The following AADACL3 variants were observed in gnomAD, a reference collection of about 807,000 sequenced individuals.
The protein encoded by AADACL3 is arylacetamide deacetylase-like 3.
In AADACL3, 13 loss-of-function variants were observed where a neutral mutation model predicts 13.6. The ratio of observed to expected loss-of-function variants is 0.95; its 90% CI spans 0.62 to 1.52. The LOEUF (loss-of-function observed/expected upper bound fraction) is 1.52. AADACL3 is among the 40% of genes most tolerant of loss of function. The pLI is 0.00. For missense variants in AADACL3, 519 were observed against 499.2 expected (o/e 1.04, Z -0.38); for synonymous variants, 195 against 197.0 (o/e 0.99, Z 0.08).
intron 3 of AADACL3, among the ~76,000 whole-genome samples, chr1:12,722,326 GAAAAAAA>G (rs564374343): frequency 2.7e-5 from 2 of 73,842 alleles, no homozygotes; most frequent in East Asian, 4.1e-4. Flanking sequence ...GATTCCGTCT[GAAAAAAA>G]AAAAAAAAAA....
rs761724053 is a variant in AADACL3, at chr1:12,725,579, A to T, written c.807A>T (p.Lys269Asn). ...FSSSWQEVIM[K>N]GAHLPAEVWE... ...CCTCCTGGCAAGAGGTCATCATGAAAGGTGCCCATTTGCCTGCTGAAGTCT... is the reference window on the plus strand; with the variant it reads ...CCTCCTGGCAAGAGGTCATCATGAATGGTGCCCATTTGCCTGCTGAAGTCT... Residue 269 changes from lysine to asparagine, a missense_variant, in exon 4 of 4, where the codon AAA (lysine) becomes AAT (asparagine). Transcript: ENST00000359318. 9.3e-6 allele frequency: 15 copies of T among 1,614,028 alleles called. No homozygotes were observed. In the African/African-American group the frequency reaches 1.5e-4, roughly 16 times the overall value.
rs373467986 is a variant in AADACL3, at chr1:12,725,184, C to T, written c.450-38C>T. On this transcript the variant is annotated intron_variant, in intron 3 of 3. Coordinates refer to ENST00000359318, the MANE Select transcript of AADACL3 (RefSeq NM_001103170.3). ...CTAGACGCTGATATTTTGGATCTGCCGGGGCGTTATCAACTGTGTTTCTTG... is the reference window on the plus strand; with the variant it reads ...CTAGACGCTGATATTTTGGATCTGCTGGGGCGTTATCAACTGTGTTTCTTG... The T allele has an allele frequency of 3.2e-5, 50 of 1,547,964 alleles. No individual in the cohort carries two copies. The African/African-American group carries it at 3.6e-4, about 11-fold the overall frequency.
At chr1:12,718,104 C>T (rs1648478310) in intron 1 of AADACL3, among the ~76,000 whole-genome samples, 1 of 152,132 alleles carries the variant, frequency 6.6e-6, no homozygotes, top group Non-Finnish European at 1.5e-5. Flanking sequence ...GCAGTTAGAT[C>T]TTATTACTCT....
rs752615689 is a variant in AADACL3, at chr1:12,726,843, G to T, written c.*847G>T. The T allele has an allele frequency of 1.1e-4, 16 of 152,242 alleles. No individual in the cohort carries two copies. The highest frequency in any genetic ancestry group is 1.4e-4 in the African/African-American group (6 of 41,462). The allele number at this position is 152,242 out of a possible 1,614,324, so 9.4% of individuals were successfully genotyped here. A position where few individuals can be genotyped will look rare whatever the true frequency, so the allele number is the denominator to read the frequency against. ...AGTCAAGACAGCCAAAGGAACAGAA[G>T]ATGTATTTGTGAAAACTATTTCTTT... On this transcript the variant is annotated 3_prime_UTR_variant, in exon 4 of 4. Transcript: ENST00000359318.
At chr1:12,718,957 A>G (rs978488563) in intron 1 of AADACL3, among the ~76,000 whole-genome samples, 1 of 152,186 alleles carries the variant, frequency 6.6e-6, no homozygotes, top group African/African-American at 2.4e-5. Flanking sequence ...TAAGAAGCCA[A>G]TGGACATCAT....
Position 12,716,129 on chromosome 1 carries a change from T to A in AADACL3, c.-48T>A. ...GGCTCTGAACCATGTCCTAAATGGT[T>A]TACACTGCGCACAGCTTCCTCTCAG... On this transcript the variant is annotated 5_prime_UTR_variant, in exon 1 of 4. Transcript: ENST00000359318. The A allele has an allele frequency of 1.5e-6, 1 of 645,210 alleles. No homozygotes were observed. 40.0% of individuals were successfully genotyped at this position (645,210 alleles called of 1,614,324 possible). A position where few individuals can be genotyped will look rare whatever the true frequency, so the allele number is the denominator to read the frequency against.
chr1:12,725,552 C>T lies in AADACL3; in HGVS notation c.780C>T (p.Ser260=), dbSNP rs746292367. 6.2e-7 allele frequency: 1 copy of T among 1,614,130 alleles called. No homozygotes were observed. The highest frequency in any genetic ancestry group is 1.7e-5 in the Admixed American group (1 of 60,010). The change falls in exon 4 of 4, where the codon AGC becomes AGT. Residue 260 remains serine (S), a synonymous_variant. Coordinates refer to ENST00000359318, the MANE Select transcript of AADACL3 (RefSeq NM_001103170.3). ...TTTTTTTTCAAAACCTGGATTTCAGCTCCTCCTGGCAAGAGGTCATCATGA... is the reference window on the plus strand; with the variant it reads ...TTTTTTTTCAAAACCTGGATTTCAGTTCCTCCTGGCAAGAGGTCATCATGA... The part of the protein sequence containing the change: ...CYFFFQNLDF[S]SSWQEVIMKG...
chr1:12,725,777 G>T lies in AADACL3; in HGVS notation c.1005G>T (p.Gln335His), dbSNP rs545400950. Residue 335 changes from glutamine (Q) to histidine (H), a missense_variant, in exon 4 of 4, where the codon CAG (glutamine) becomes CAT (histidine). By Grantham distance (24) the Gln-to-His change is conservative (BLOSUM62 0). Coordinates refer to ENST00000359318, the MANE Select transcript of AADACL3 (RefSeq NM_001103170.3). Reference protein sequence around the residue: ...PLIAEDDIVSQLPETCIVSCE... With the variant: ...PLIAEDDIVSHLPETCIVSCE... ...TTGCAGAAGATGACATAGTGTCTCA[G>T]CTCCCGGAAACCTGCATCGTGAGCT... The T allele has an allele frequency of 1.2e-6, 2 of 1,614,166 alleles. No individual in the cohort carries two copies. Among genetic ancestry groups the T allele is most frequent in the African/African-American group, 2.7e-5 (2 of 75,038 alleles).
intron 1 of AADACL3, among the ~76,000 whole-genome samples, chr1:12,718,504 CTT>C (rs938505894): frequency 1.3e-5 from 2 of 150,916 alleles, no homozygotes; most frequent in African/African-American, 2.4e-5. Flanking sequence ...ATTTTTAACT[CTT>C]TTTTTTTGAG....
At chr1:12,721,050 A>T in intron 3 of AADACL3, 104 bp downstream of exon 3, 1 of 547,536 alleles carries the variant, frequency 1.8e-6, no homozygotes, top group East Asian at 4.4e-5. Flanking sequence ...GGATGGGAGC[A>T]GATGGGAGCT....
In AADACL3 at chr1:12,725,470, C is replaced by T. The variant is rs1638348286; in HGVS notation, c.698C>T (p.Pro233Leu). The T allele has an allele frequency of 6.2e-7, 1 of 1,614,010 alleles. No homozygotes were observed. Among genetic ancestry groups the T allele is most frequent in the Admixed American group, 1.7e-5 (1 of 59,998 alleles). Reference sequence around the variant, plus strand: ...CTCCAAGCCCTGGATTTACAAACCCCTTCGTTTCAACAGAGGAAAAACATC... The same window carrying T: ...CTCCAAGCCCTGGATTTACAAACCCTTTCGTTTCAACAGAGGAAAAACATC... Reference protein sequence around the residue: ...AILQALDLQTPSFQQRKNIPL... With the variant: ...AILQALDLQTLSFQQRKNIPL... The change falls in exon 4 of 4, where the codon CCT becomes CTT. Residue 233 changes from proline (P) to leucine (L), a missense_variant. Transcript: ENST00000359318.
intron 3 of AADACL3, among the ~76,000 whole-genome samples, chr1:12,722,712 T>C (rs1638290554): frequency 6.6e-6 from 1 of 151,792 alleles, no homozygotes; most frequent in South Asian, 2.1e-4. Flanking sequence ...GTGACCAGCA[T>C]TTAAAAATAG....
intron 1 of AADACL3, among the ~76,000 whole-genome samples, chr1:12,717,073 T>C (rs2100804905): frequency 6.6e-6 from 1 of 152,364 alleles, no homozygotes; most frequent in Non-Finnish European, 1.5e-5. Context: ...TTCTTGTGCC[T>C]TGACAGAAAC....
At chr1:12,724,115 A>G (rs1421039287) in intron 3 of AADACL3, among the ~76,000 whole-genome samples, 1 of 152,096 alleles carries the variant, frequency 6.6e-6, no homozygotes, top group African/African-American at 2.4e-5. Flanking sequence ...GCAATAATTT[A>G]TATTCCTTCA....
intron 3 of AADACL3, among the ~76,000 whole-genome samples, chr1:12,721,879 GC>G (rs1638269118): frequency 1.3e-5 from 2 of 152,210 alleles, no homozygotes; most frequent in Non-Finnish European, 2.9e-5. Flanking sequence ...CCCCTGTCCT[GC>G]TGCCTGATGC....
At position 12,725,332 on chromosome 1, in the gene AADACL3, T is replaced by C. The variant is rs780845198; in HGVS notation, c.560T>C (p.Val187Ala). 7 of 1,613,810 alleles carry C rather than the reference T, an allele frequency of 4.3e-6. No homozygotes were observed. Among genetic ancestry groups the C allele is most frequent in the East Asian group, 4.5e-5 (2 of 44,878 alleles). ...LDAYGVDPAR[V>A]VVCGDSFGGA... The stretch of plus-strand genomic sequence containing the variant: ...GCATATGGAGTGGATCCAGCCCGGG[T>C]TGTGGTCTGCGGTGACAGTTTCGGA... Residue 187 changes from valine to alanine, a missense_variant, in exon 4 of 4, where the codon GTT (valine) becomes GCT (alanine). Coordinates refer to ENST00000359318, the MANE Select transcript of AADACL3 (RefSeq NM_001103170.3).
rs554046651 is a variant in AADACL3 at position 12,725,683 on chromosome 1, A to G, written c.911A>G (p.His304Arg). Residue 304 changes from histidine to arginine, a missense_variant, in exon 4 of 4, where the codon CAT (histidine) becomes CGT (arginine). Physicochemically the swap from His to Arg is conservative, Grantham distance 29. Coordinates refer to ENST00000359318, the MANE Select transcript of AADACL3 (RefSeq NM_001103170.3). ...FKERGYQLKP[H>R]EPMNEAAYLE... ...GAGAGGGGTTACCAACTGAAGCCCCATGAGCCCATGAATGAAGCTGCTTAC... is the reference window on the plus strand; with the variant it reads ...GAGAGGGGTTACCAACTGAAGCCCCGTGAGCCCATGAATGAAGCTGCTTAC... 4 of 1,614,176 alleles carry G rather than the reference A, an allele frequency of 2.5e-6. No homozygotes were observed. The East Asian group carries it at 6.7e-5, about 27-fold the overall frequency.
At chr1:12,720,137 TACAG>T (rs1477767631) in intron 2 of AADACL3, among the ~76,000 whole-genome samples, 9 of 152,204 alleles carry the variant, frequency 5.9e-5, no homozygotes, top group South Asian at 2.1e-4. Flanking sequence ...CAAATTCTGG[TACAG>T]ACAGACAGGA....
chr1:12,725,803 G>A lies in AADACL3; in HGVS notation c.1031G>A (p.Cys344Tyr). 6.2e-7 allele frequency: 1 copy of A among 1,614,206 alleles called. No homozygotes were observed. Residue 344 changes from cysteine (C) to tyrosine (Y), a missense_variant, in exon 4 of 4, where the codon TGT (cysteine) becomes TAT (tyrosine). By Grantham distance (194) the Cys-to-Tyr change is radical. Coordinates refer to ENST00000359318, the MANE Select transcript of AADACL3 (RefSeq NM_001103170.3). ...CTCCCGGAAACCTGCATCGTGAGCTGTGAGTATGATGCTCTCCGGGACAAT... is the reference window on the plus strand; with the variant it reads ...CTCCCGGAAACCTGCATCGTGAGCTATGAGTATGATGCTCTCCGGGACAAT... ...SQLPETCIVS[C>Y]EYDALRDNSL...
Sources: allele counts gnomAD v4.1 joint callset (sites outside exome capture counted in the v4.1 genomes callset), GRCh38; gene constraint gnomAD v4.1.1; transcripts MANE v1.5; gene names NCBI Gene and HGNC (gene_info 2026-07-23, HGNC 2026-07-21).